Variants in CRNKL1 observed in about 807,000 individuals in gnomAD.
CRNKL1 encodes crooked neck-like protein 1.
A neutral mutation model predicts 103.7 loss-of-function variants in CRNKL1; 35 were observed. The ratio of observed to expected loss-of-function variants is 0.34; its 90% CI spans 0.26 to 0.45. The LOEUF (loss-of-function observed/expected upper bound fraction) is 0.45. CRNKL1 is among the 20% of genes least tolerant of loss of function. CRNKL1 has a pLI of 1.00. For missense variants in CRNKL1, 645 were observed against 836.0 expected (o/e 0.77, Z 2.82); for synonymous variants, 267 against 282.6 (o/e 0.94, Z 0.55).
intron 3 of CRNKL1, 47 bp from the exon 4 acceptor site, chr20:20,048,548 C>G (rs1315016180): frequency 1.3e-6 from 2 of 1,592,518 alleles, no homozygotes; most frequent in East Asian, 4.5e-5. Context: ...GCATTCAACA[C>G]ATGTAGCAGT....
Position 20,034,552 on chromosome 20 carries a change from C to CAAACAGAT in CRNKL1, c.*1642_*1643insATCTGTTT, listed in dbSNP as rs1186391299. On this transcript the variant is annotated 3_prime_UTR_variant, in exon 14 of 14. Coordinates refer to ENST00000536226, the MANE Select transcript of CRNKL1 (RefSeq NM_001278628.2). ...TTCTTATGCATTCATGCAACATAAA[C>CAAACAGAT]AGATAATTCTAGGAAGACTGTGATT... 1 of 151,906 alleles carries CAAACAGAT rather than the reference C, an allele frequency of 6.6e-6. No homozygotes were observed. The highest frequency in any genetic ancestry group is 1.5e-5 in the Non-Finnish European group (1 of 67,964). The allele number at this position is 151,906 out of a possible 1,614,324, so 9.4% of individuals were successfully genotyped here.
At chr20:20,053,294 A>G (rs565234439), upstream of CRNKL1, among the ~76,000 whole-genome samples, 6 of 152,378 alleles carry the variant, frequency 3.9e-5, no homozygotes, top group African/African-American at 1.4e-4. Context: ...AGTGGAAGAC[A>G]CAGAGATTTC....
Position 20,040,736 on chromosome 20 carries a change from C to T in CRNKL1, c.1255G>A (p.Ala419Thr). 3 of 1,611,552 alleles carry T rather than the reference C, an allele frequency of 1.9e-6. No homozygotes were observed. Among genetic ancestry groups the T allele is most frequent in the Non-Finnish European group, 2.5e-6 (3 of 1,179,594 alleles). ...TTCTTCTGTCGTATTTCAAACTGTG[C>T]ATACAGTATCCACATTTTGGCAAAT... ...FTFAKMWILY[A>T]QFEIRQKNLS... is the part of the protein sequence containing the mutation. The change falls in exon 10 of 14, where the codon GCA (alanine) becomes ACA (threonine). Residue 419 changes from alanine to threonine, a missense_variant. This residue lies in a region of CRNKL1 where 582 missense variants were observed against 707.7 expected (regional missense o/e 0.82). Transcript: ENST00000536226.
intron 1 of CRNKL1, 33 bp downstream of exon 1, chr20:20,052,259 C>A: frequency 6.4e-7 from 1 of 1,573,926 alleles, no homozygotes; most frequent in South Asian, 1.1e-5. Context: ...CTTTCCTAGG[C>A]CACCTCCTAC....
chr20:20,040,854 T>C lies in CRNKL1; in HGVS notation c.1225-88A>G, dbSNP rs2043501600. On this transcript the variant is annotated intron_variant, in intron 9 of 13. Transcript: ENST00000536226. Reference sequence around the variant, plus strand: ...AATTAATTTAAATTAACCAAAGCCATTGGTAATTCGATTTCTCTAAAACTT... The same window carrying C: ...AATTAATTTAAATTAACCAAAGCCACTGGTAATTCGATTTCTCTAAAACTT... The C allele has an allele frequency of 6.6e-6, 6 of 908,848 alleles. No individual in the cohort carries two copies. In the Admixed American group the frequency reaches 6.8e-5, roughly 10 times the overall value. 56.3% of individuals were successfully genotyped at this position (908,848 alleles called of 1,614,324 possible). A position where few individuals can be genotyped will look rare whatever the true frequency, so the allele number is the denominator to read the frequency against.
chr20:20,045,520 A>T (rs1568761569), intron 5 of CRNKL1, 34 bp from the exon 6 acceptor site: 1 of 1,559,250 alleles, frequency 6.4e-7, no homozygotes, highest in Non-Finnish European at 8.7e-7. Flanking sequence ...CAGGCAAAAC[A>T]GCATGGCTTA....
chr20:20,041,722 AC>A (rs1235756154), intron 8 of CRNKL1, 97 bp from the exon 9 acceptor site: 2 of 824,146 alleles, frequency 2.4e-6, no homozygotes, highest in East Asian at 2.6e-5. Context: ...AAAAATGTAC[AC>A]CCCCAAAACA....
chr20:20,052,554 C>T (rs145079188), upstream of CRNKL1: 3,086 of 1,614,168 alleles, frequency 1.9e-3, 10 homozygotes, highest in Admixed American at 2.3e-3. Context: ...CTCCTTGCGG[C>T]AGCGCGTGGA....
At chr20:20,046,561 T>C (rs1008705073) in intron 5 of CRNKL1, among the ~76,000 whole-genome samples, 1 of 152,240 alleles carries the variant, frequency 6.6e-6, no homozygotes, top group Non-Finnish European at 1.5e-5. Flanking sequence ...GAAACGTGTA[T>C]ATATACAATC....
Position 20,038,490 on chromosome 20 carries a change from A to C in CRNKL1, c.1546-40T>G, listed in dbSNP as rs563558951. Reference sequence around the variant, plus strand: ...TAAATGGGTCAGTCTTGACATTTACAAAGCAGCATGCCCCCATCCAAAGCA... The same window carrying C: ...TAAATGGGTCAGTCTTGACATTTACCAAGCAGCATGCCCCCATCCAAAGCA... On this transcript the variant is annotated intron_variant, in intron 11 of 13. Coordinates refer to ENST00000536226, the MANE Select transcript of CRNKL1 (RefSeq NM_001278628.2). The C allele has an allele frequency of 8.1e-5, 95 of 1,174,874 alleles. 1 individual carries two copies. In the South Asian group the frequency reaches 1.2e-3, roughly 15 times the overall value. The allele number at this position is 1,174,874 out of a possible 1,614,324, so 72.8% of individuals were successfully genotyped here. A position where few individuals can be genotyped will look rare whatever the true frequency, so the allele number is the denominator to read the frequency against.
At chr20:20,054,015 T>TTTGTTTTTG (rs1568778987), upstream of CRNKL1, among the ~76,000 whole-genome samples, 505 of 105,570 alleles carry the variant, frequency 4.8e-3, 1 homozygote, top group African/African-American at 0.019. Context: ...TTTTGTTTGT[T>TTTGTTTTTG]TTTTTTTTTT....
At chr20:20,044,673 G>A (rs1340922952) in intron 6 of CRNKL1, among the ~76,000 whole-genome samples, 1 of 152,150 alleles carries the variant, frequency 6.6e-6, no homozygotes, top group African/African-American at 2.4e-5. Context: ...AGGCTAGAGT[G>A]CAATGGCACG....
chr20:20,035,466 C>CCTAA lies in CRNKL1; in HGVS notation c.*725_*728dup, dbSNP rs1214019703. The CCTAA allele has an allele frequency of 6.6e-6, 1 of 152,162 alleles. No individual in the cohort carries two copies. Among genetic ancestry groups the CCTAA allele is most frequent in the Admixed American group, 6.5e-5 (1 of 15,274 alleles). The allele number at this position is 152,162 out of a possible 1,614,324, so 9.4% of individuals were successfully genotyped here. On this transcript the variant is annotated 3_prime_UTR_variant, in exon 14 of 14. Transcript: ENST00000536226. ...AACCACTCTGGAGAACTGATGAGCGCCTAACTGAAATTATTAGACTAAATT... is the reference window on the plus strand; with the variant it reads ...AACCACTCTGGAGAACTGATGAGCGCCTAACTAACTGAAATTATTAGACTAAATT...
Position 20,042,499 on chromosome 20 carries a change from A to G in CRNKL1, c.990T>C (p.Tyr330=), listed in dbSNP as rs1025704944. Residue 330 remains tyrosine (Y), a synonymous_variant, in exon 8 of 14, where the codon TAT becomes TAC. Coordinates refer to ENST00000536226, the MANE Select transcript of CRNKL1 (RefSeq NM_001278628.2). The stretch of plus-strand genomic sequence containing the variant: ...AGCGCAAGTAATCAAACCATGCATC[A>G]TAATTGTGTGGATTCGCCTAGAAAG... ...EEEVKANPHN[Y]DAWFDYLRLV... is the part of the protein sequence containing the mutation. 3 of 1,609,198 alleles carry G rather than the reference A, an allele frequency of 1.9e-6. No homozygotes were observed. Among genetic ancestry groups the G allele is most frequent in the Non-Finnish European group, 2.5e-6 (3 of 1,177,960 alleles).
upstream of CRNKL1, among the ~76,000 whole-genome samples, chr20:20,054,779 G>A (rs527879398): frequency 6.6e-6 from 1 of 152,296 alleles, no homozygotes; most frequent in South Asian, 2.1e-4. Flanking sequence ...TAGACAGTCT[G>A]TCTTTTGTCA....
chr20:20,044,962 T>A (rs1351436857), intron 6 of CRNKL1, among the ~76,000 whole-genome samples: 1 of 152,230 alleles, frequency 6.6e-6, no homozygotes. Context: ...AAATGTTTTC[T>A]GTTCTAGGGC....
chr20:20,047,619 A>G, intron 5 of CRNKL1, 146 bp downstream of exon 5: 1 of 703,236 alleles, frequency 1.4e-6, no homozygotes, highest in South Asian at 4.3e-5. Context: ...CTTTCCCTAC[A>G]AAACATAGGG....
chr20:20,047,704 C>T (rs2043615358), intron 5 of CRNKL1, 61 bp downstream of exon 5: 3 of 1,539,538 alleles, frequency 1.9e-6, no homozygotes, highest in South Asian at 1.2e-5. Flanking sequence ...GACATCTCTA[C>T]AGGAGCAGCA....
At position 20,039,638 on chromosome 20, in the gene CRNKL1, T is replaced by C. The variant is rs1189522551; in HGVS notation, c.1516A>G (p.Ile506Val). The C allele has an allele frequency of 1.9e-6, 3 of 1,614,128 alleles. No individual in the cohort carries two copies. Among genetic ancestry groups the C allele is most frequent in the Non-Finnish European group, 2.5e-6 (3 of 1,180,050 alleles). The change falls in exon 11 of 14, where the codon ATC (isoleucine) becomes GTC (valine). Residue 506 changes from isoleucine (I) to valine (V), a missense_variant. Around this residue, in one of 2 missense-constraint regions of CRNKL1, gnomAD observed 582 missense variants for 707.7 expected, o/e 0.82. Transcript: ENST00000536226. ...GGCATGTCTAAACGTGGCTGACTGATGGCTAATTCATAGATTGCCCGTGCT... is the reference window on the plus strand; with the variant it reads ...GGCATGTCTAAACGTGGCTGACTGACGGCTAATTCATAGATTGCCCGTGCT... ...DRARAIYELA[I>V]SQPRLDMPEV...
Sources: gnomAD v4.1 joint callset for allele counts (sites outside exome capture counted in the v4.1 genomes callset) on GRCh38, gnomAD v4.1.1 for gene constraint, gnomAD v4.1.1 regional missense constraint, MANE v1.5 for transcripts, NCBI Gene and HGNC (gene_info 2026-07-23, HGNC 2026-07-21) for gene names.